The following FBXL13 variants were observed in gnomAD, a reference collection of about 807,000 sequenced individuals.
FBXL13 encodes F-box and leucine-rich repeat protein 13.
In FBXL13, 67 loss-of-function variants were observed where a neutral mutation model predicts 83.6. The observed-to-expected ratio is 0.80, with a 90% CI of 0.66 to 0.98. FBXL13 has a LOEUF of 0.98. Ranked by LOEUF, FBXL13 falls within the 50% of genes least tolerant of loss-of-function variation. The pLI is 0.00. For synonymous variants in FBXL13, 272 were observed against 299.5 expected (o/e 0.91, Z 0.95); for missense variants, 822 against 866.5 (o/e 0.95, Z 0.64).
intron 2 of FBXL13, among the ~76,000 whole-genome samples, chr7:103,037,455 T>G (rs1263679949): frequency 6.7e-6 from 1 of 148,650 alleles, no homozygotes; most frequent in Non-Finnish European, 1.5e-5. Flanking sequence ...CATTTTAGGG[T>G]TTTTTTTACA....
At position 102,980,498 on chromosome 7, in the gene FBXL13, C is replaced by G. The variant is rs117563921; in HGVS notation, c.496-12381G>C. 2.0e-5 allele frequency among the ~76,000 whole-genome samples: 3 copies of G among 152,326 alleles called. No individual in the cohort carries two copies. In the East Asian group the frequency reaches 5.8e-4, roughly 29 times the overall value. Reference sequence around the variant, plus strand: ...ACCTAAATATAAGAGCTAAAACCAGCCGGGTGCGGTGGCTTACGCCTGTAA... The same window carrying G: ...ACCTAAATATAAGAGCTAAAACCAGGCGGGTGCGGTGGCTTACGCCTGTAA... On this transcript the variant is annotated intron_variant, in intron 6 of 19. Transcript: ENST00000313221.
At chr7:102,925,836 G>A (rs1449220503) in intron 10 of FBXL13, among the ~76,000 whole-genome samples, 2 of 151,818 alleles carry the variant, frequency 1.3e-5, no homozygotes, top group Non-Finnish European at 2.9e-5. Context: ...AACTACTCAG[G>A]AGGCTGACGC....
intron 8 of FBXL13, among the ~76,000 whole-genome samples, chr7:102,947,297 C>A (rs139511939): frequency 7.2e-5 from 11 of 152,268 alleles, no homozygotes; most frequent in African/African-American, 1.7e-4. Flanking sequence ...AAACCTGATT[C>A]AGAGAAAGAG....
intron 19 of FBXL13, 150 bp downstream of exon 20, chr7:102,821,890 C>A (rs1057410270): frequency 1.7e-5 from 14 of 844,300 alleles, no homozygotes; most frequent in Admixed American, 5.4e-5. Flanking sequence ...TAGAACAACT[C>A]ACAATGTTAG....
At chr7:102,964,552 G>A (rs1825777909) in intron 7 of FBXL13, among the ~76,000 whole-genome samples, 1 of 151,530 alleles carries the variant, frequency 6.6e-6, no homozygotes. Flanking sequence ...ATAGGCACCT[G>A]CCACCATGCC....
At chr7:103,052,024 T>C (rs1354837043) in intron 2 of FBXL13, among the ~76,000 whole-genome samples, 2 of 152,206 alleles carry the variant, frequency 1.3e-5, no homozygotes, top group Non-Finnish European at 2.9e-5. Flanking sequence ...CATATTTAGA[T>C]CACTTTAACA....
At chr7:102,891,765 G>A (rs1478148145) in intron 11 of FBXL13, among the ~76,000 whole-genome samples, 1 of 152,316 alleles carries the variant, frequency 6.6e-6, no homozygotes, top group East Asian at 1.9e-4. Context: ...AACTCTGTGT[G>A]CATTTACTGC....
chr7:102,874,790 T>C (rs6465880), intron 16 of FBXL13, among the ~76,000 whole-genome samples: 74,321 of 151,898 alleles, frequency 0.49, 20,678 homozygotes, highest in African/African-American at 0.77. Flanking sequence ...TGGTCTCAAA[T>C]TCTTGGGCTC....
chr7:103,016,399 C>T (rs373655431), intron 6 of FBXL13, among the ~76,000 whole-genome samples: 16 of 151,954 alleles, frequency 1.1e-4, no homozygotes, highest in South Asian at 2.1e-4. Context: ...ACGCAGAAGA[C>T]GGGTGATTTC....
intron 11 of FBXL13, among the ~76,000 whole-genome samples, chr7:102,896,605 G>A (rs535404260): frequency 1.3e-5 from 2 of 152,326 alleles, no homozygotes; most frequent in South Asian, 4.1e-4. Context: ...TGTTGGCAAA[G>A]TTGGTTCCCT....
intron 13 of FBXL13, 28 bp from the exon 15 acceptor site, chr7:102,883,495 A>G (rs1277119026): frequency 3.1e-6 from 5 of 1,600,954 alleles, no homozygotes; most frequent in Non-Finnish European, 4.3e-6. Context: ...AAGAAAAGAC[A>G]AGTATTGTAT....
At chr7:102,944,556 T>C (rs1291883005) in intron 8 of FBXL13, 1 of 1,613,170 alleles carries the variant, frequency 6.2e-7, no homozygotes, top group East Asian at 2.2e-5. Context: ...AAAAAAAACA[T>C]AGAGATCACA....
intron 6 of FBXL13, among the ~76,000 whole-genome samples, chr7:102,972,183 G>A (rs1451850373): frequency 1.3e-5 from 2 of 151,934 alleles, no homozygotes; most frequent in African/African-American, 4.8e-5. Flanking sequence ...TAAGTATATG[G>A]GTAAAGCCAT....
chr7:102,949,469 A>G (rs533221241), intron 8 of FBXL13, among the ~76,000 whole-genome samples: 5 of 152,118 alleles, frequency 3.3e-5, no homozygotes, highest in East Asian at 1.9e-4. Context: ...ATTCCTCTCT[A>G]TGTGTCCATG....
chr7:102,819,181 C>T (rs1338788158), intron 19 of FBXL13, among the ~76,000 whole-genome samples: 3 of 152,146 alleles, frequency 2.0e-5, no homozygotes, highest in Non-Finnish European at 4.4e-5. Flanking sequence ...CTCTCTCACT[C>T]CTACCTTGTT....
chr7:102,860,813 G>C (rs762908277), intron 16 of FBXL13, among the ~76,000 whole-genome samples: 1 of 151,820 alleles, frequency 6.6e-6, no homozygotes, highest in Non-Finnish European at 1.5e-5. Flanking sequence ...TGTACGGAAA[G>C]GTTTAAAGAA....
chr7:102,826,769 ATATG>A (rs1554400933), intron 18 of FBXL13, among the ~76,000 whole-genome samples: 52 of 100,690 alleles, frequency 5.2e-4, no homozygotes, highest in South Asian at 8.0e-4. Context: ...ATATATATAT[ATATG>A]TATATATATC....
exon 13 of FBXL13, chr7:102,883,605 A>G: frequency 1.9e-6 from 3 of 1,612,116 alleles, no homozygotes; most frequent in Non-Finnish European, 2.5e-6. Flanking sequence ...AAGCAGAAAG[A>G]GCTCTGAAAG....
In FBXL13 at chr7:102,858,075, T is replaced by C. The variant is rs117356271; in HGVS notation, c.1636-3215A>G. Among the ~76,000 whole-genome samples the C allele has an allele frequency of 0.011, 1,667 of 152,112 alleles. 100 individuals are homozygous for C. In the East Asian group the frequency reaches 0.17, roughly 15 times the overall value. On this transcript the variant is annotated intron_variant, in intron 16 of 19. Coordinates refer to ENST00000313221, the Ensembl canonical transcript of FBXL13. Reference sequence around the variant, plus strand: ...AAATGTTCATCAACAGACAATTGAATAAAGAAAATGTAGTATATATACACA... The same window carrying C: ...AAATGTTCATCAACAGACAATTGAACAAAGAAAATGTAGTATATATACACA...
Sources: gnomAD v4.1 joint callset for allele counts (sites outside exome capture counted in the v4.1 genomes callset) on GRCh38, gnomAD v4.1.1 for gene constraint, MANE v1.5 for transcripts, NCBI Gene and HGNC (gene_info 2026-07-23, HGNC 2026-07-21) for gene names.